Variants in LRRC37A2 observed in about 807,000 individuals in gnomAD.
The protein encoded by LRRC37A2 is leucine-rich repeat-containing protein 37A2.
Under a neutral mutation model 68.8 loss-of-function variants are expected in LRRC37A2, and 9 were observed. The ratio of observed to expected loss-of-function variants is 0.13; its 90% CI spans 0.08 to 0.23. LRRC37A2 has a LOEUF of 0.23. Among genes scored for constraint, LRRC37A2 ranks in the 10% least tolerant of loss-of-function variants. The pLI is 1.00. For missense variants in LRRC37A2, 168 were observed against 950.4 expected, an observed-to-expected ratio of 0.18 and a Z score of 10.82; for synonymous variants, 63 against 367.6, an observed-to-expected ratio of 0.17 and a Z score of 9.48.
chr17:46,846,834 G>A, the LRRC37A2 span, among the ~76,000 whole-genome samples: 1 of 152,232 alleles, frequency 6.6e-6, no homozygotes, highest in Non-Finnish European at 1.5e-5. Flanking sequence ...AACTGGAAGT[G>A]CCATGGGGAG....
At chr17:46,793,923 A>G in the LRRC37A2 span, among the ~76,000 whole-genome samples, 1 of 152,208 alleles carries the variant, frequency 6.6e-6, no homozygotes, top group Non-Finnish European at 1.5e-5. Context: ...CACTCTGTCC[A>G]GACCCCACCC....
the LRRC37A2 span, among the ~76,000 whole-genome samples, chr17:46,852,944 C>G: frequency 6.6e-6 from 1 of 152,112 alleles, no homozygotes; most frequent in African/African-American, 2.4e-5. Context: ...AGGGTATCAT[C>G]CCAGACCCTA....
At chr17:46,542,514 GATAT>G (rs574096941) in intron 8 of LRRC37A2, among the ~76,000 whole-genome samples, 2 of 146,196 alleles carry the variant, frequency 1.4e-5, no homozygotes, top group Admixed American at 6.7e-5. Context: ...TTCTTTGCAG[GATAT>G]ATATATAGAT....
At chr17:46,804,526 C>G in the LRRC37A2 span, among the ~76,000 whole-genome samples, 1 of 152,180 alleles carries the variant, frequency 6.6e-6, no homozygotes, top group African/African-American at 2.4e-5. Context: ...AATCAGAGAG[C>G]TGATGGCAGG....
chr17:46,839,480 C>T, the LRRC37A2 span, among the ~76,000 whole-genome samples: 26 of 152,144 alleles, frequency 1.7e-4, no homozygotes, highest in African/African-American at 2.4e-4. Context: ...ACAACGCAGG[C>T]GTCAAGGCAG....
chr17:46,939,232 C>T, the LRRC37A2 span: 2 of 1,047,360 alleles, frequency 1.9e-6, no homozygotes, highest in Non-Finnish European at 2.3e-6. Context: ...AATAGTAGGT[C>T]GATTCACATC....
chr17:46,762,010 G>A, the LRRC37A2 span, among the ~76,000 whole-genome samples: 1 of 152,244 alleles, frequency 6.6e-6, no homozygotes, highest in Non-Finnish European at 1.5e-5. Flanking sequence ...TTGTAGACCA[G>A]CCTACCTCCC....
the LRRC37A2 span, chr17:46,714,017 C>G: frequency 1.3e-6 from 2 of 1,592,170 alleles, no homozygotes; most frequent in Non-Finnish European, 1.7e-6. Flanking sequence ...TTTTAATTTC[C>G]TATCTCTTAA....
chr17:46,850,611 T>G, the LRRC37A2 span, among the ~76,000 whole-genome samples: 249 of 152,358 alleles, frequency 1.6e-3, 2 homozygotes, highest in African/African-American at 5.7e-3. Flanking sequence ...TTTGACCCCG[T>G]GTTCGAGACT....
At chr17:46,984,501 C>T in the LRRC37A2 span, among the ~76,000 whole-genome samples, 3 of 152,222 alleles carry the variant, frequency 2.0e-5, no homozygotes. Context: ...TACCCTCCAC[C>T]TCAGGGACAA....
the LRRC37A2 span, chr17:46,966,614 G>A: frequency 2.9e-6 from 2 of 684,848 alleles, no homozygotes; most frequent in Admixed American, 2.1e-5. Context: ...CTCCCGAAGT[G>A]CTGGGATTAT....
the LRRC37A2 span, among the ~76,000 whole-genome samples, chr17:46,847,015 G>A: frequency 3.9e-5 from 6 of 152,162 alleles, no homozygotes; most frequent in Non-Finnish European, 7.3e-5. Flanking sequence ...GAGATGTATT[G>A]TTATGTATTT....
chr17:47,028,454 C>T, the LRRC37A2 span: 1 of 807,892 alleles, frequency 1.2e-6, no homozygotes, highest in Non-Finnish European at 2.1e-6. Flanking sequence ...CCATTATCAA[C>T]TCTGAAAAGC....
the LRRC37A2 span, among the ~76,000 whole-genome samples, chr17:46,792,699 A>G: frequency 6.6e-6 from 1 of 152,190 alleles, no homozygotes; most frequent in East Asian, 1.9e-4. Context: ...GCCTCGAACT[A>G]CTGACCACGT....
chr17:46,830,853 A>G, the LRRC37A2 span: 90 of 398,148 alleles, frequency 2.3e-4, 2 homozygotes, highest in African/African-American at 1.7e-3. Context: ...GAGTATCCTC[A>G]AAGAAAAAGT....
the LRRC37A2 span, among the ~76,000 whole-genome samples, chr17:47,046,271 G>A: frequency 3.1e-5 from 4 of 128,162 alleles, no homozygotes; most frequent in East Asian, 2.3e-4. Flanking sequence ...TTGAGCCCAG[G>A]GGGGTTGAGG....
the LRRC37A2 span, among the ~76,000 whole-genome samples, chr17:47,029,918 C>G: frequency 6.6e-6 from 1 of 151,724 alleles, no homozygotes; most frequent in Non-Finnish European, 1.5e-5. Flanking sequence ...CAAAAATTAG[C>G]TGGGCATGGT....
At chr17:46,968,079 G>A in the LRRC37A2 span, among the ~76,000 whole-genome samples, 2 of 152,028 alleles carry the variant, frequency 1.3e-5, no homozygotes, top group Non-Finnish European at 2.9e-5. Context: ...TTCAGCTTGG[G>A]GCATATGGCA....
At chr17:46,794,882 C>A in the LRRC37A2 span, among the ~76,000 whole-genome samples, 1 of 151,776 alleles carries the variant, frequency 6.6e-6, no homozygotes, top group Admixed American at 6.6e-5. Context: ...TTCCGAGTAG[C>A]TGGAATTATA....
Sources: gnomAD v4.1 joint callset for allele counts (sites outside exome capture counted in the v4.1 genomes callset) on GRCh38, gnomAD v4.1.1 for gene constraint, MANE v1.5 for transcripts, NCBI Gene and HGNC (gene_info 2026-07-23, HGNC 2026-07-21) for gene names.